The following DGKB variants were observed in gnomAD, a reference collection of about 807,000 sequenced individuals.
DGKB encodes 90 kDa diacylglycerol kinase.
In DGKB, 67 loss-of-function variants were observed where a neutral mutation model predicts 114.3. That is an observed-to-expected ratio of 0.59 (90% confidence interval 0.48 to 0.72). The LOEUF is 0.72. Ranked by LOEUF, DGKB falls within the 30% of genes least tolerant of loss-of-function variation. The pLI is 0.00. For missense variants in DGKB, 907 were observed against 975.2 expected (o/e 0.93, Z 0.93); for synonymous variants, 398 against 323.1 (o/e 1.23, Z -2.49).
At chr7:14,417,075 C>T (rs942986033) in intron 21 of DGKB, among the ~76,000 whole-genome samples, 1 of 152,016 alleles carries the variant, frequency 6.6e-6, no homozygotes, top group African/African-American at 2.4e-5. Flanking sequence ...ACCATAGGAA[C>T]AGATTTGGTA....
chr7:14,722,988 T>C (rs1203167732), intron 5 of DGKB, among the ~76,000 whole-genome samples: 1 of 147,634 alleles, frequency 6.8e-6, no homozygotes, highest in African/African-American at 2.5e-5. Flanking sequence ...TTTTACACCC[T>C]ACTCTACCCT....
intron 1 of DGKB, among the ~76,000 whole-genome samples, chr7:14,971,712 CAA>C (rs1787479947): frequency 6.7e-6 from 1 of 149,092 alleles, no homozygotes; most frequent in African/African-American, 2.5e-5. Context: ...TTATTTTTTT[CAA>C]AAAGTCACAG....
chr7:14,279,907 GA>G (rs970470168), intron 23 of DGKB, among the ~76,000 whole-genome samples: 11 of 150,890 alleles, frequency 7.3e-5, no homozygotes, highest in Non-Finnish European at 1.6e-4. Flanking sequence ...CAAAGATGGG[GA>G]AAAAAACAGA....
intron 1 of DGKB, among the ~76,000 whole-genome samples, chr7:14,919,085 C>CACACACAA (rs1554345160): frequency 3.5e-3 from 423 of 122,144 alleles, no homozygotes; most frequent in African/African-American, 0.012. Flanking sequence ...CACACACACA[C>CACACACAA]ACACACACAA....
At chr7:14,519,125 T>C (rs564794273) in intron 20 of DGKB, among the ~76,000 whole-genome samples, 1 of 152,248 alleles carries the variant, frequency 6.6e-6, no homozygotes, top group South Asian at 2.1e-4. Context: ...AATTCACTCA[T>C]TGAAAATACA....
intron 3 of DGKB, among the ~76,000 whole-genome samples, chr7:14,756,039 T>G (rs1327545139): frequency 6.6e-6 from 1 of 152,056 alleles, no homozygotes; most frequent in African/African-American, 2.4e-5. Context: ...TGACTGATAA[T>G]TCTCATGAAA....
At chr7:14,734,434 A>T (rs1056444314) in intron 5 of DGKB, among the ~76,000 whole-genome samples, 45 of 151,992 alleles carry the variant, frequency 3.0e-4, no homozygotes, top group African/African-American at 1.1e-3. Context: ...CTTGCAGGAG[A>T]TTTTTAAGGT....
At chr7:14,247,884 C>A (rs1794709343) in intron 23 of DGKB, among the ~76,000 whole-genome samples, 1 of 151,986 alleles carries the variant, frequency 6.6e-6, no homozygotes, top group Admixed American at 6.6e-5. Flanking sequence ...GTTTTTGTCG[C>A]CCGTACTTTT....
At chr7:14,465,541 T>C (rs1833707478) in intron 21 of DGKB, among the ~76,000 whole-genome samples, 1 of 152,158 alleles carries the variant, frequency 6.6e-6, no homozygotes, top group Non-Finnish European at 1.5e-5. Context: ...ACACAATATT[T>C]GCTAGACACT....
At chr7:14,722,837 T>A (rs949515961) in intron 5 of DGKB, among the ~76,000 whole-genome samples, 32 of 151,712 alleles carry the variant, frequency 2.1e-4, no homozygotes, top group African/African-American at 7.0e-4. Context: ...TAAATAAAAA[T>A]AAAAAAACTC....
intron 20 of DGKB, among the ~76,000 whole-genome samples, chr7:14,514,446 C>A (rs1433923657): frequency 6.6e-6 from 1 of 152,094 alleles, no homozygotes; most frequent in Non-Finnish European, 1.5e-5. Context: ...ATTATTTGGA[C>A]AATATGTAGA....
intron 4 of DGKB, among the ~76,000 whole-genome samples, chr7:14,748,337 G>C (rs1833657229): frequency 6.6e-6 from 1 of 152,188 alleles, no homozygotes; most frequent in Non-Finnish European, 1.5e-5. Context: ...AAGATTTCTT[G>C]GGGGAATGTG....
At chr7:14,872,411 T>G (rs1181908348) in intron 1 of DGKB, among the ~76,000 whole-genome samples, 1 of 152,182 alleles carries the variant, frequency 6.6e-6, no homozygotes, top group African/African-American at 2.4e-5. Flanking sequence ...TGTTGGCATA[T>G]GTGATGAAAA....
chr7:14,603,091 C>A (rs962922503), intron 17 of DGKB, among the ~76,000 whole-genome samples: 2 of 152,070 alleles, frequency 1.3e-5, no homozygotes, highest in African/African-American at 2.4e-5. Context: ...AATTATGTGA[C>A]CTTATTCATT....
chr7:14,321,603 G>GAAAAA (rs1164711723), intron 23 of DGKB, among the ~76,000 whole-genome samples: 1 of 44,534 alleles, frequency 2.2e-5, no homozygotes, highest in Non-Finnish European at 5.9e-5. Flanking sequence ...AGAGAAATAA[G>GAAAAA]AAAAAAAAAA....
Position 14,916,584 on chromosome 7 carries a change from C to T in DGKB, c.-188+58112G>A, listed in dbSNP as rs531869437. ...TTACATAAGGATGAAGTTGACAATT[C>T]CCTAAGAAGGCATAATTGTTCTTTA... On this transcript the variant is annotated intron_variant, in intron 1 of 4. Transcript: ENST00000437998. Among the ~76,000 whole-genome samples, 4 of 152,068 alleles carry T rather than the reference C, an allele frequency of 2.6e-5. No homozygotes were observed. In the South Asian group the frequency reaches 8.3e-4, roughly 32 times the overall value.
chr7:14,692,581 G>T (rs1375599988), intron 9 of DGKB, among the ~76,000 whole-genome samples: 1 of 151,292 alleles, frequency 6.6e-6, no homozygotes, highest in East Asian at 1.9e-4. Flanking sequence ...GCTAAATATG[G>T]TATTATAAAA....
intron 20 of DGKB, 110 bp downstream of exon 20, chr7:14,574,102 C>G (rs1004604749): frequency 4.7e-6 from 4 of 843,602 alleles, no homozygotes; most frequent in South Asian, 2.5e-5. Context: ...TTTGATGGCA[C>G]AAAAGGTAAA....
chr7:14,435,446 A>G (rs1049906385), intron 21 of DGKB, among the ~76,000 whole-genome samples: 2 of 152,156 alleles, frequency 1.3e-5, no homozygotes, highest in Admixed American at 1.3e-4. Flanking sequence ...TTAAATGTCT[A>G]AATCACACTT....
Sources: allele counts gnomAD v4.1 joint callset (sites outside exome capture counted in the v4.1 genomes callset), GRCh38; gene constraint gnomAD v4.1.1; transcripts MANE v1.5; gene names NCBI Gene and HGNC (gene_info 2026-07-23, HGNC 2026-07-21).